The following CADM1 variants were observed in gnomAD, a reference collection of about 807,000 sequenced individuals.
CADM1 encodes the protein cell adhesion molecule 1.
A neutral mutation model predicts 53.1 loss-of-function variants in CADM1; 15 were observed. That is an observed-to-expected ratio of 0.28 (90% CI 0.19 to 0.44). The LOEUF (loss-of-function observed/expected upper bound fraction) is 0.44, where lower values mean the gene tolerates loss of function less well. CADM1 is among the 20% of genes least tolerant of loss of function. The probability of loss-of-function intolerance (pLI) is 1.00; values close to 1 mark genes in which losing one functional copy is unlikely to be tolerated. For synonymous variants in CADM1, 281 were observed against 243.0 expected (o/e 1.16, Z -1.45); for missense variants, 434 against 611.3 (o/e 0.71, Z 3.06).
intron 8 of CADM1, among the ~76,000 whole-genome samples, chr11:115,199,560 G>C (rs1470565756): frequency 2.6e-5 from 4 of 152,194 alleles, no homozygotes; most frequent in Admixed American, 1.3e-4. Context: ...GGCTACAGGG[G>C]AAGTGGAATA....
intron 1 of CADM1, among the ~76,000 whole-genome samples, chr11:115,343,914 T>C (rs1399919080): frequency 6.6e-6 from 1 of 152,160 alleles, no homozygotes; most frequent in Non-Finnish European, 1.5e-5. Flanking sequence ...TTCTATATAA[T>C]CTCAAAATAG....
chr11:115,305,734 C>T (rs11823061), intron 1 of CADM1, among the ~76,000 whole-genome samples: 2 of 151,570 alleles, frequency 1.3e-5, no homozygotes, highest in Non-Finnish European at 2.9e-5. Flanking sequence ...CCTTAGAATT[C>T]TAAGGCATTC....
intron 1 of CADM1, among the ~76,000 whole-genome samples, chr11:115,471,214 C>A (rs1949003954): frequency 6.6e-6 from 1 of 152,064 alleles, no homozygotes; most frequent in East Asian, 1.9e-4. Flanking sequence ...CCAAATATAG[C>A]CTGTGCCATT....
In CADM1 at chr11:115,232,010, T is replaced by TAACAACAAC. The variant is rs553618979; in HGVS notation, c.425-521_425-520insGTTGTTGTT. Among the ~76,000 whole-genome samples the TAACAACAAC allele has an allele frequency of 1.9e-3, 274 of 141,808 alleles. 1 individual carries two copies. The highest frequency in any genetic ancestry group is 8.2e-3 in the South Asian group (38 of 4,646). 93.0% of individuals were successfully genotyped at this position (141,808 alleles called of 152,430 possible). A position where few individuals can be genotyped will look rare whatever the true frequency, so the allele number is the denominator to read the frequency against. On this transcript the variant is annotated intron_variant, in intron 3 of 11. Transcript: ENST00000331581. ...TCAATAATAATAATAATAATAATAA[T>TAACAACAAC]AATAACAACAACAACAACAACAACC...
At chr11:115,285,745 T>A (rs1591671894) in intron 1 of CADM1, among the ~76,000 whole-genome samples, 1 of 151,978 alleles carries the variant, frequency 6.6e-6, no homozygotes, top group Admixed American at 6.5e-5. Flanking sequence ...GCAGCTGGGG[T>A]TACACCTGGA....
At chr11:115,354,210 A>G (rs561407770) in intron 1 of CADM1, among the ~76,000 whole-genome samples, 13 of 152,266 alleles carry the variant, frequency 8.5e-5, no homozygotes, top group African/African-American at 3.1e-4. Context: ...TTTACTAAGG[A>G]CCTACTATGT....
intron 1 of CADM1, among the ~76,000 whole-genome samples, chr11:115,442,329 T>C (rs1428568449): frequency 1.3e-5 from 2 of 152,174 alleles, no homozygotes; most frequent in Non-Finnish European, 1.5e-5. Flanking sequence ...TGTTGTACTA[T>C]ACTGAGTCCA....
Position 115,235,581 on chromosome 11 carries a change from A to C in CADM1, c.424+2919T>G, listed in dbSNP as rs148910496. Among the ~76,000 whole-genome samples, 166 of 152,348 alleles carry C rather than the reference A, an allele frequency of 1.1e-3. 3 individuals are homozygous for C. Among genetic ancestry groups the C allele is most frequent in the African/African-American group, 3.7e-3 (154 of 41,580 alleles). ...TCAAGGTTCTTCTCAGCTAACCTCA[A>C]ATCTATAAGAGTGCTAATTATAAAC... On this transcript the variant is annotated intron_variant, in intron 3 of 11. Transcript: ENST00000331581.
rs766154073 is a variant in CADM1 at position 115,504,273 on chromosome 11, G to C, written c.122C>G (p.Thr41Arg). 1.3e-5 allele frequency: 21 copies of C among 1,572,462 alleles called. No homozygotes were observed. In the South Asian group the frequency reaches 2.2e-4, roughly 17 times the overall value. ...AACCGGTCGGTGCCCACACCTACCT[G>C]TGGGGATCAGTGCCGCGGCGGAGAA... is the stretch of plus-strand genomic sequence containing the variant. Reference protein sequence around the residue: ...LLFSAAALIPTGDGQNLFTKD... With the variant: ...LLFSAAALIPRGDGQNLFTKD... Residue 41 changes from threonine (T) to arginine (R), a missense_variant and splice_region_variant, in exon 1 of 12, where the codon ACA (threonine) becomes AGA (arginine). Coordinates refer to ENST00000331581, the MANE Select transcript of CADM1 (RefSeq NM_001301043.2).
chr11:115,396,679 C>T (rs1289349894), intron 1 of CADM1: 1 of 152,186 alleles, frequency 6.6e-6, no homozygotes, highest in East Asian at 1.9e-4. Context: ...AGAATAACTC[C>T]CATGGCAACA....
At chr11:115,334,426 G>A (rs1270154672) in intron 1 of CADM1, among the ~76,000 whole-genome samples, 1 of 151,888 alleles carries the variant, frequency 6.6e-6, no homozygotes, top group Non-Finnish European at 1.5e-5. Flanking sequence ...CAGTTACCCT[G>A]GGCCAATGGG....
intron 1 of CADM1, among the ~76,000 whole-genome samples, chr11:115,250,130 C>A (rs1293133654): frequency 6.6e-6 from 1 of 152,136 alleles, no homozygotes; most frequent in Non-Finnish European, 1.5e-5. Flanking sequence ...GTCTCGATCT[C>A]CTGACCTCGT....
intron 5 of CADM1, 40 bp downstream of exon 5, chr11:115,229,073 G>T: frequency 6.2e-7 from 1 of 1,604,216 alleles, no homozygotes; most frequent in Non-Finnish European, 8.5e-7. Context: ...CTATGTAACT[G>T]CAACTCTACG....
At position 115,377,157 on chromosome 11, in the gene CADM1, A is replaced by G. The variant is rs561128651; in HGVS notation, c.124+127114T>C. 3 of 152,260 alleles carry G rather than the reference A, an allele frequency of 2.0e-5. No individual in the cohort carries two copies. In the East Asian group the frequency reaches 5.8e-4, roughly 29 times the overall value. The allele number at this position is 152,260 out of a possible 1,614,324, so 9.4% of individuals were successfully genotyped here. A position where few individuals can be genotyped will look rare whatever the true frequency, so the allele number is the denominator to read the frequency against. The stretch of plus-strand genomic sequence containing the variant: ...GTGTCAGAGTTGTCCTTTGAAGTCA[A>G]TTTTAATTTTTTTTTCCTTGCAAGC... On this transcript the variant is annotated intron_variant, in intron 1 of 11. Coordinates refer to ENST00000331581, the MANE Select transcript of CADM1 (RefSeq NM_001301043.2).
At chr11:115,412,249 A>G (rs1405117227) in intron 1 of CADM1, among the ~76,000 whole-genome samples, 1 of 152,218 alleles carries the variant, frequency 6.6e-6, no homozygotes, top group Non-Finnish European at 1.5e-5. Context: ...GTTGGAGTGC[A>G]GTGGCACAAT....
At chr11:115,257,003 A>G in intron 1 of CADM1, 1 of 411,472 alleles carries the variant, frequency 2.4e-6, no homozygotes, top group Non-Finnish European at 5.0e-6. Flanking sequence ...TGAATTACGT[A>G]CTTCCTGGAA....
Position 115,229,280 on chromosome 11 carries a change from C to G in CADM1, c.563-9G>C, listed in dbSNP as rs768973522. 6.2e-7 allele frequency: 1 copy of G among 1,613,950 alleles called. No individual in the cohort carries two copies. Reference sequence around the variant, plus strand: ...TTCCACCTCCGATTTGCCTGGGGAACAGAAAATGTACCAAGACACCAGAGT... The same window carrying G: ...TTCCACCTCCGATTTGCCTGGGGAAGAGAAAATGTACCAAGACACCAGAGT... On this transcript the variant is annotated splice_polypyrimidine_tract_variant and intron_variant, in intron 4 of 11. Coordinates refer to ENST00000331581, the MANE Select transcript of CADM1 (RefSeq NM_001301043.2).
intron 1 of CADM1, among the ~76,000 whole-genome samples, chr11:115,300,057 T>C (rs1944178652): frequency 6.6e-6 from 1 of 152,164 alleles, no homozygotes; most frequent in Non-Finnish European, 1.5e-5. Flanking sequence ...CTAAATGTAT[T>C]ATAAAAAGCA....
intron 10 of CADM1, among the ~76,000 whole-genome samples, chr11:115,188,672 G>A (rs1939693787): frequency 6.6e-6 from 1 of 152,178 alleles, no homozygotes; most frequent in Non-Finnish European, 1.5e-5. Flanking sequence ...AGCATTAAAT[G>A]TGCAACACCT....
Sources: allele counts gnomAD v4.1 joint callset (sites outside exome capture counted in the v4.1 genomes callset), GRCh38; gene constraint gnomAD v4.1.1; transcripts MANE v1.5; gene names NCBI Gene and HGNC (gene_info 2026-07-23, HGNC 2026-07-21).